Variants in UACA observed in about 807,000 individuals in gnomAD.
UACA encodes uveal autoantigen with coiled-coil domains and ankyrin repeats.
A neutral mutation model predicts 160.5 loss-of-function variants in UACA; 112 were observed. The observed-to-expected ratio is 0.70, with a 90% CI of 0.60 to 0.82. The LOEUF is 0.82. Ranked by LOEUF, UACA falls within the 40% of genes least tolerant of loss-of-function variation. The pLI, the probability that UACA is intolerant of heterozygous loss-of-function variation, is 0.00. For synonymous variants in UACA, 557 were observed against 568.4 expected (o/e 0.98, Z 0.29); for missense variants, 1,574 against 1,614.6 (o/e 0.97, Z 0.43).
intron 13 of UACA, among the ~76,000 whole-genome samples, chr15:70,676,075 A>C (rs1293080494): frequency 6.6e-6 from 1 of 152,220 alleles, no homozygotes; most frequent in East Asian, 1.9e-4. Flanking sequence ...CAAAAGATTC[A>C]TGCTGAATCA....
intron 12 of UACA, 32 bp from the exon 13 acceptor site, chr15:70,676,623 C>A (rs1367165825): frequency 1.9e-6 from 3 of 1,552,304 alleles, no homozygotes; most frequent in African/African-American, 2.7e-5. Flanking sequence ...ACAGTAAAAT[C>A]ACCCTGTGCT....
chr15:70,717,781 TG>T (rs1276695448), intron 1 of UACA, among the ~76,000 whole-genome samples: 2 of 152,170 alleles, frequency 1.3e-5, no homozygotes, highest in African/African-American at 4.8e-5. Flanking sequence ...CAAGCACAGA[TG>T]TAACTGTGAA....
chr15:70,763,570 G>C, upstream of UACA: 1 of 1,228,334 alleles, frequency 8.1e-7, no homozygotes, highest in Admixed American at 4.2e-5. Flanking sequence ...GGCCTGAGGC[G>C]GGGCTCCCCT....
chr15:70,712,064 A>ATATC (rs1555414147), intron 1 of UACA, among the ~76,000 whole-genome samples: 1 of 145,464 alleles, frequency 6.9e-6, no homozygotes, highest in African/African-American at 2.8e-5. Context: ...ATATATATAT[A>ATATC]TATCTCCATA....
chr15:70,708,003 C>G (rs1342150954), intron 1 of UACA, among the ~76,000 whole-genome samples: 5 of 152,088 alleles, frequency 3.3e-5, no homozygotes, highest in African/African-American at 1.2e-4. Flanking sequence ...TTATAATAGC[C>G]AAGAAGTGGA....
At chr15:70,747,241 G>GTTTTTTTTTTTTTTTT (rs549683234) in intron 1 of UACA, among the ~76,000 whole-genome samples, 1 of 119,254 alleles carries the variant, frequency 8.4e-6, no homozygotes, top group Non-Finnish European at 1.7e-5. Context: ...TGTTTTTTGG[G>GTTTTTTTTTTTTTTTT]TTTTTTTTTT....
At chr15:70,674,802 T>C (rs1897258071) in intron 13 of UACA, among the ~76,000 whole-genome samples, 1 of 152,218 alleles carries the variant, frequency 6.6e-6, no homozygotes, top group Non-Finnish European at 1.5e-5. Flanking sequence ...TTTGCCATGT[T>C]GGCCAGGCTG....
intron 1 of UACA, among the ~76,000 whole-genome samples, chr15:70,726,881 A>G (rs899670266): frequency 9.9e-5 from 15 of 152,174 alleles, no homozygotes; most frequent in African/African-American, 3.6e-4. Context: ...CTATAAAGTC[A>G]GGAGCTAGAG....
At chr15:70,724,743 T>C (rs767235077) in intron 1 of UACA, among the ~76,000 whole-genome samples, 2 of 151,912 alleles carry the variant, frequency 1.3e-5, no homozygotes, top group Admixed American at 1.3e-4. Flanking sequence ...ATAGTAGGCA[T>C]CCCCAAGCAC....
intron 1 of UACA, among the ~76,000 whole-genome samples, chr15:70,742,917 G>C (rs1010742007): frequency 6.6e-6 from 1 of 152,198 alleles, no homozygotes; most frequent in Non-Finnish European, 1.5e-5. Flanking sequence ...CTGTAGGTCA[G>C]AAGTTTAGGT....
intron 1 of UACA, among the ~76,000 whole-genome samples, chr15:70,725,884 A>T (rs1899129055): frequency 6.6e-6 from 1 of 152,206 alleles, no homozygotes; most frequent in Non-Finnish European, 1.5e-5. Flanking sequence ...CAACACATAG[A>T]AATGATAAAC....
chr15:70,658,417 T>A (rs1017133538), intron 18 of UACA, among the ~76,000 whole-genome samples: 13 of 152,230 alleles, frequency 8.5e-5, no homozygotes, highest in Non-Finnish European at 1.9e-4. Flanking sequence ...TCTACAGAGA[T>A]TGTAACAATC....
intron 15 of UACA, 112 bp downstream of exon 15, chr15:70,670,927 C>A: frequency 2.1e-6 from 1 of 480,738 alleles, no homozygotes; most frequent in Admixed American, 4.2e-5. Flanking sequence ...TAATGAAAAC[C>A]TCACTCTATG....
At chr15:70,690,786 T>C (rs181311357) in intron 4 of UACA, among the ~76,000 whole-genome samples, 85 of 152,242 alleles carry the variant, frequency 5.6e-4, no homozygotes, top group Admixed American at 1.6e-3. Context: ...GGTTTTTTTT[T>C]CCACCAAGAA....
At chr15:70,716,398 T>C (rs972266439) in intron 1 of UACA, among the ~76,000 whole-genome samples, 2 of 152,152 alleles carry the variant, frequency 1.3e-5, no homozygotes, top group African/African-American at 2.4e-5. Context: ...AGAACAACCA[T>C]GTAGCAGAGT....
intron 13 of UACA, among the ~76,000 whole-genome samples, chr15:70,674,248 A>T (rs1489275908): frequency 6.6e-6 from 1 of 152,200 alleles, no homozygotes; most frequent in Non-Finnish European, 1.5e-5. Flanking sequence ...GAAAGTAAAA[A>T]ATCATATCTA....
At chr15:70,703,287 A>G (rs1898429093) in intron 1 of UACA, 1 of 1,285,602 alleles carries the variant, frequency 7.8e-7, no homozygotes, top group Non-Finnish European at 1.0e-6. Flanking sequence ...TGGGAATGCA[A>G]AACATTCCAA....
At chr15:70,680,012 C>G (rs1361900420) in intron 9 of UACA, 2 of 148,298 alleles carry the variant, frequency 1.3e-5, no homozygotes, top group Middle Eastern at 6.6e-3. Context: ...ACTGCATTGC[C>G]AACTACTAAA....
At chr15:70,700,318 T>TATATATATATATATATATATACAC (rs565377949) in intron 1 of UACA, among the ~76,000 whole-genome samples, 4 of 139,760 alleles carry the variant, frequency 2.9e-5, no homozygotes, top group African/African-American at 1.2e-4. Flanking sequence ...TATATATATA[T>TATATATATATATATATATATACAC]ACACACACAC....
Sources: gnomAD v4.1 joint callset for allele counts (sites outside exome capture counted in the v4.1 genomes callset) on GRCh38, gnomAD v4.1.1 for gene constraint, MANE v1.5 for transcripts, NCBI Gene and HGNC (gene_info 2026-07-23, HGNC 2026-07-21) for gene names.